ARAP3: variants seen among roughly 807,000 people sequenced by gnomAD.
ARAP3 encodes arf-GAP with Rho-GAP domain, ANK repeat and PH domain-containing protein 3.
In ARAP3, 82 loss-of-function variants were observed where a neutral mutation model predicts 169.2. The observed-to-expected ratio is 0.48, with a 90% CI of 0.41 to 0.58. The LOEUF is 0.58. Ranked by LOEUF, ARAP3 falls within the 20% of genes least tolerant of loss-of-function variation. The pLI, the probability that ARAP3 is intolerant of heterozygous loss-of-function variation, is 0.00. For synonymous variants in ARAP3, 791 were observed against 800.3 expected (o/e 0.99, Z 0.20); for missense variants, 1,764 against 2,018.0 (o/e 0.87, Z 2.41).
Position 141,661,559 on chromosome 5 carries a change from A to G in ARAP3, c.3119+125T>C. 10 of 1,002,694 alleles carry G rather than the reference A, an allele frequency of 1.0e-5. No individual in the cohort carries two copies. The South Asian group carries it at 1.5e-4, about 15-fold the overall frequency. 62.1% of individuals were successfully genotyped at this position (1,002,694 alleles called of 1,614,324 possible). A position where few individuals can be genotyped will look rare whatever the true frequency, so the allele number is the denominator to read the frequency against. On this transcript the variant is annotated intron_variant, in intron 21 of 32. Transcript: ENST00000239440. ...AATCCATTCTCTGAACCTTAGTGCT[A>G]TGATACCTTCACTTAACAACTGTTT...
At chr5:141,673,959 C>CTTTTTTTTT (rs10712701) in intron 4 of ARAP3, 151 bp from the exon 5 acceptor site, 18 of 364,818 alleles carry the variant, frequency 4.9e-5, no homozygotes, top group African/African-American at 1.4e-4. Flanking sequence ...TTCTTTTCTT[C>CTTTTTTTTT]TTTTTTTTTT....
At chr5:141,666,668 A>G (rs1562413635) in intron 16 of ARAP3, 25 bp from the exon 17 acceptor site, 1 of 1,258,120 alleles carries the variant, frequency 7.9e-7, no homozygotes, top group Non-Finnish European at 1.0e-6. Context: ...GGAGGACAGG[A>G]GAAAGGGGGA....
Position 141,656,067 on chromosome 5 carries a change from T to C in ARAP3, c.3905A>G (p.His1302Arg), listed in dbSNP as rs2099909233. 1 of 1,613,990 alleles carries C rather than the reference T, an allele frequency of 6.2e-7. No homozygotes were observed. The highest frequency in any genetic ancestry group is 2.2e-5 in the East Asian group (1 of 44,862). ...WGFTLILEKM[H>R]LYLSCTDEDE... Reference sequence around the variant, plus strand: ...AGCCAGGGCAGGAGGTACTCACAGGTGCATCTTCTCTAGTATCAATGTGAA... The same window carrying C: ...AGCCAGGGCAGGAGGTACTCACAGGCGCATCTTCTCTAGTATCAATGTGAA... Residue 1302 changes from histidine (H) to arginine (R), a missense_variant, in exon 29 of 33, where the codon CAC becomes CGC. His to Arg is a conservative substitution (Grantham distance 29, BLOSUM62 0). Coordinates refer to ENST00000239440, the MANE Select transcript of ARAP3 (RefSeq NM_022481.6).
In ARAP3 at chr5:141,662,272, G is replaced by A. The variant is rs773074020; in HGVS notation, c.2801-17C>T. The A allele has an allele frequency of 1.9e-5, 30 of 1,612,816 alleles. No homozygotes were observed. The highest frequency in any genetic ancestry group is 8.9e-5 in the East Asian group (4 of 44,890). ...GCCGGAGCCCTGAGGAGAGCCAGCC[G>A]TCTCTGCTCACCATGGTGCAAAGGC... On this transcript the variant is annotated splice_polypyrimidine_tract_variant and intron_variant, in intron 19 of 32. Transcript: ENST00000239440.
chr5:141,656,397 G>A (rs555466648), intron 27 of ARAP3, 107 bp downstream of exon 27: 4 of 1,587,496 alleles, frequency 2.5e-6, no homozygotes, highest in Middle Eastern at 1.7e-4. Context: ...GGGCAGGGAA[G>A]CAATGAGATT....
intron 31 of ARAP3, 28 bp downstream of exon 31, chr5:141,655,593 C>T (rs375543507): frequency 3.8e-5 from 60 of 1,598,302 alleles, no homozygotes; most frequent in Middle Eastern, 1.7e-4. Flanking sequence ...CGACAGGAAT[C>T]GGGTTGGGGC....
At position 141,656,866 on chromosome 5, in the gene ARAP3, G is replaced by T. The variant is rs1055588900; in HGVS notation, c.3527-20C>A. On this transcript the variant is annotated intron_variant, in intron 25 of 32. Transcript: ENST00000239440. ...GCCGCTCTTAAGGGGAAAGGTGAGGGTTTATATATCAATCAGAATATCCAT... is the reference window on the plus strand; with the variant it reads ...GCCGCTCTTAAGGGGAAAGGTGAGGTTTTATATATCAATCAGAATATCCAT... 2.1e-5 allele frequency: 33 copies of T among 1,606,138 alleles called. No homozygotes were observed. Among genetic ancestry groups the T allele is most frequent in the Non-Finnish European group, 2.8e-5 (33 of 1,175,258 alleles).
chr5:141,656,050 C>CA lies in ARAP3; in HGVS notation c.3908+13dup. 1 of 1,614,094 alleles carries CA rather than the reference C, an allele frequency of 6.2e-7. No individual in the cohort carries two copies. Among genetic ancestry groups the CA allele is most frequent in the Non-Finnish European group, 8.5e-7 (1 of 1,180,022 alleles). ...AGGTGGGCCAGAGGAGAAGCCAGGG[C>CA]AGGAGGTACTCACAGGTGCATCTTC... On this transcript the variant is annotated intron_variant, in intron 29 of 32. Coordinates refer to ENST00000239440, the MANE Select transcript of ARAP3 (RefSeq NM_022481.6).
chr5:141,680,631 C>A (rs376189862), intron 1 of ARAP3, 128 bp from the exon 2 acceptor site: 2 of 1,373,670 alleles, frequency 1.5e-6, no homozygotes, highest in Admixed American at 2.9e-5. Context: ...GAAAGGCCTG[C>A]GATCTGGAAG....
In ARAP3 at chr5:141,669,943, G is replaced by T. The variant is rs1205280830; in HGVS notation, c.2228C>A (p.Pro743Gln). ...QDIVCLGVSP[P>Q]PTDPGDRFPF... is the part of the protein sequence containing the mutation. ...TTACCTGTCACCTGGGTCAGTGGGT[G>T]GGGGGCTCACACCCAGACATACAAT... The change falls in exon 15 of 33, where the codon CCA becomes CAA. Residue 743 changes from proline to glutamine, a missense_variant. Pro to Gln is a moderately conservative substitution (Grantham distance 76). Coordinates refer to ENST00000239440, the MANE Select transcript of ARAP3 (RefSeq NM_022481.6). 7 of 1,600,720 alleles carry T rather than the reference G, an allele frequency of 4.4e-6. No individual in the cohort carries two copies. The highest frequency in any genetic ancestry group is 6.0e-6 in the Non-Finnish European group (7 of 1,173,380).
intron 17 of ARAP3, among the ~76,000 whole-genome samples, chr5:141,665,957 G>C (rs1024057875): frequency 6.6e-6 from 1 of 151,296 alleles, no homozygotes; most frequent in African/African-American, 2.4e-5. Flanking sequence ...CTTGAACCTG[G>C]GAGGCGGAGG....
In ARAP3 at chr5:141,671,801, T is replaced by A; in HGVS notation, c.1672-49A>T. ...GCAGGTGACAGGAACTCAAGAGTCCTCAGATGTTCCATTCCTGTCCCCAGG... is the reference window on the plus strand; with the variant it reads ...GCAGGTGACAGGAACTCAAGAGTCCACAGATGTTCCATTCCTGTCCCCAGG... On this transcript the variant is annotated intron_variant, in intron 11 of 32. Transcript: ENST00000239440. This position sits in a 1 kb window ranked among gnomAD's most constrained non-coding sequence, Gnocchi z 4.9. 2 of 1,605,444 alleles carry A rather than the reference T, an allele frequency of 1.2e-6. No homozygotes were observed. The highest frequency in any genetic ancestry group is 1.7e-6 in the Non-Finnish European group (2 of 1,174,564).
intron 4 of ARAP3, among the ~76,000 whole-genome samples, chr5:141,676,460 T>C (rs569114895): frequency 1.3e-5 from 2 of 152,352 alleles, no homozygotes; most frequent in Admixed American, 6.5e-5. Flanking sequence ...TGTACTTTTC[T>C]ATTCTCCCTT....
At chr5:141,670,407 G>A (rs2099911259) in intron 14 of ARAP3, 105 bp downstream of exon 14, 6 of 1,242,098 alleles carry the variant, frequency 4.8e-6, no homozygotes, top group Non-Finnish European at 5.8e-6. Flanking sequence ...CCCAGGCATG[G>A]CCCCACTTTC....
chr5:141,679,937 G>C (rs201860055), intron 2 of ARAP3, 26 bp downstream of exon 2: 1 of 1,613,816 alleles, frequency 6.2e-7, no homozygotes, highest in Non-Finnish European at 8.5e-7. Context: ...CCCAGCATCA[G>C]TCCCTAGGGA....
rs1238642552 is a variant in ARAP3, at chr5:141,680,040, T to A, written c.447A>T (p.Leu149=). ...PTSSSEQSSA[L]NTVEMMPNSI... is the part of the protein sequence containing the mutation. Reference sequence around the variant, plus strand: ...AATTAGGCATCATCTCCACAGTATTTAGGGCTGAAGACTGCTCAGAGGAGG... The same window carrying A: ...AATTAGGCATCATCTCCACAGTATTAAGGGCTGAAGACTGCTCAGAGGAGG... The change falls in exon 2 of 33, where the codon CTA becomes CTT. Residue 149 remains leucine (L), a synonymous_variant. Transcript: ENST00000239440. 2 of 1,613,994 alleles carry A rather than the reference T, an allele frequency of 1.2e-6. No homozygotes were observed. Among genetic ancestry groups the A allele is most frequent in the Admixed American group, 3.3e-5 (2 of 60,000 alleles).
intron 4 of ARAP3, among the ~76,000 whole-genome samples, 155 bp from the exon 5 acceptor site, chr5:141,673,963 T>TTA (rs933118030): frequency 4.9e-5 from 7 of 143,132 alleles, no homozygotes. Context: ...TTTCTTCTTT[T>TTA]TTTTTTTTTT....
In ARAP3 at chr5:141,654,114, T is replaced by C. The variant is rs374689480; in HGVS notation, c.4471A>G (p.Ser1491Gly). Reference protein sequence around the residue: ...LEEQLLQELSSLILRKGETTA... With the variant: ...LEEQLLQELSGLILRKGETTA... ...GTCTCTCCTTTCCTCAGGATGAGGC[T>C]GCTGAGCTCCTGGAGCAGCTGTTCC... is the stretch of plus-strand genomic sequence containing the variant. The change falls in exon 33 of 33, where the codon AGC becomes GGC. Residue 1491 changes from serine (S) to glycine (G), a missense_variant. Coordinates refer to ENST00000239440, the MANE Select transcript of ARAP3 (RefSeq NM_022481.6). 9.9e-6 allele frequency: 16 copies of C among 1,612,184 alleles called. No homozygotes were observed. The African/African-American group carries it at 1.9e-4, about 19-fold the overall frequency.
chr5:141,666,894 A>G (rs1028867152), intron 16 of ARAP3: 1 of 395,198 alleles, frequency 2.5e-6, no homozygotes, highest in African/African-American at 2.1e-5. Context: ...AACATAAAGA[A>G]GACCCCTGTG....
Sources: gnomAD v4.1 joint callset for allele counts (sites outside exome capture counted in the v4.1 genomes callset) on GRCh38, gnomAD v4.1.1 for gene constraint, Gnocchi (gnomAD v3.1) non-coding constraint, MANE v1.5 for transcripts, NCBI Gene and HGNC (gene_info 2026-07-23, HGNC 2026-07-21) for gene names.